EPS8L2: variants seen among roughly 807,000 people sequenced by gnomAD.
EPS8L2 encodes the protein EPS8 signaling adaptor L2.
A neutral mutation model predicts 99.4 loss-of-function variants in EPS8L2; 81 were observed. That is an observed-to-expected ratio of 0.82 (90% CI 0.68 to 0.98). The LOEUF (loss-of-function observed/expected upper bound fraction) is 0.98. Ranked by LOEUF, EPS8L2 falls within the 50% of genes least tolerant of loss-of-function variation. EPS8L2 has a pLI of 0.00. For synonymous variants in EPS8L2, 509 were observed against 407.3 expected, an observed-to-expected ratio of 1.25 and a Z score of -3.01; for missense variants, 1,155 against 968.8, an observed-to-expected ratio of 1.19 and a Z score of -2.55.
chr11:710,394 G>A (rs754310926), intron 3 of EPS8L2, 28 bp from the exon 4 acceptor site: 1 of 1,611,688 alleles, frequency 6.2e-7, no homozygotes, highest in African/African-American at 1.3e-5. Flanking sequence ...CTGCCCGTCG[G>A]GGGAGTGACT....
intron 4 of EPS8L2, among the ~76,000 whole-genome samples, chr11:718,755 G>A (rs1395098004): frequency 2.3e-4 from 34 of 150,312 alleles, no homozygotes; most frequent in African/African-American, 4.2e-4. Context: ...TGCAAGCTCC[G>A]CCTCCTGGGT....
At position 721,995 on chromosome 11, in the gene EPS8L2, G is replaced by A. The variant is rs986787445; in HGVS notation, c.984+4G>A. The A allele has an allele frequency of 5.0e-6, 8 of 1,605,964 alleles. No homozygotes were observed. The African/African-American group carries it at 5.4e-5, about 11-fold the overall frequency. The stretch of plus-strand genomic sequence containing the variant: ...CAAGCTGGCGATTAACTTGCTGGTG[G>A]GTCCGGTGGCCCCAGCCCTGCCCCA... On this transcript the variant is annotated splice_donor_region_variant and intron_variant, in intron 11 of 20. Coordinates refer to ENST00000318562, the MANE Select transcript of EPS8L2 (RefSeq NM_022772.4).
Position 724,724 on chromosome 11 carries a change from G to C in EPS8L2, c.1455G>C (p.Arg485Ser). Residue 485 changes from arginine (R) to serine (S), a missense_variant and splice_region_variant, in exon 16 of 21, where the codon AGG (arginine) becomes AGC (serine). By Grantham distance (110) the Arg-to-Ser change is moderately radical (BLOSUM62 -1). Coordinates refer to ENST00000318562, the MANE Select transcript of EPS8L2 (RefSeq NM_022772.4). This position sits in a 1 kb window ranked among gnomAD's most constrained non-coding sequence, Gnocchi z 5.5. ...CCTCAGCCCCTCCTGTTCCTCACAG[G>C]GGCTACCAGCCAACACCAGCCATGG... is the stretch of plus-strand genomic sequence containing the variant. ...LPPVSSPHTHRGYQPTPAMAK... is the reference protein window; with the variant it reads ...LPPVSSPHTHSGYQPTPAMAK... 1.2e-6 allele frequency: 2 copies of C among 1,612,126 alleles called. No individual in the cohort carries two copies. The highest frequency in any genetic ancestry group is 1.1e-5 in the South Asian group (1 of 91,066).
Position 709,537 on chromosome 11 carries a change from A to G in EPS8L2, c.45-16A>G. On this transcript the variant is annotated splice_polypyrimidine_tract_variant and intron_variant, in intron 2 of 20. Transcript: ENST00000318562. Reference sequence around the variant, plus strand: ...GGGTGCAGTTTGGCCCTGCCCTGACAGCCCCTCCCCTGCAGTGGCAGCCTG... The same window carrying G: ...GGGTGCAGTTTGGCCCTGCCCTGACGGCCCCTCCCCTGCAGTGGCAGCCTG... 6.2e-7 allele frequency: 1 copy of G among 1,611,142 alleles called. No homozygotes were observed. The highest frequency in any genetic ancestry group is 8.5e-7 in the Non-Finnish European group (1 of 1,179,052).
intron 15 of EPS8L2, 109 bp downstream of exon 15, chr11:723,462 A>C: frequency 2.1e-6 from 1 of 483,590 alleles, no homozygotes; most frequent in Non-Finnish European, 3.7e-6. Context: ...TGCATTGTTC[A>C]AGTGGTTTAA....
chr11:720,418 G>A (rs968516251), intron 5 of EPS8L2, 179 bp from the exon 6 acceptor site: 25 of 1,155,122 alleles, frequency 2.2e-5, no homozygotes, highest in Non-Finnish European at 2.8e-5. Context: ...TTTGGAAGCC[G>A]GGGTCAGCCT....
chr11:709,357 G>A lies in EPS8L2; in HGVS notation c.-51G>A, dbSNP rs374267532. The A allele has an allele frequency of 3.6e-4, 553 of 1,548,878 alleles. 1 individual carries two copies. Among genetic ancestry groups the A allele is most frequent in the Admixed American group, 8.8e-4 (45 of 51,304 alleles). On this transcript the variant is annotated 5_prime_UTR_variant, in exon 2 of 21. Coordinates refer to ENST00000318562, the MANE Select transcript of EPS8L2 (RefSeq NM_022772.4). ...GTGGGACAGGCACTGGCCTCAGACC[G>A]GGGCCACACTGAGGTCTGCCCTTCT...
Position 721,606 on chromosome 11 carries a change from G to T in EPS8L2, c.810G>T (p.Val270=). The change falls in exon 10 of 21, where the codon GTG becomes GTT. Residue 270 remains valine, a synonymous_variant. Transcript: ENST00000318562. ...NCALDDIEWF[V]ARLQKAAEAF... The stretch of plus-strand genomic sequence containing the variant: ...CCCTGGACGACATCGAGTGGTTTGT[G>T]GCCCGGCTGCAGAAGGCAGCCGAGG... 6.4e-7 allele frequency: 1 copy of T among 1,573,548 alleles called. No homozygotes were observed. The highest frequency in any genetic ancestry group is 8.6e-7 in the Non-Finnish European group (1 of 1,164,450).
At chr11:721,523 G>A (rs762066709) in intron 9 of EPS8L2, 42 bp from the exon 10 acceptor site, 2 of 1,524,114 alleles carry the variant, frequency 1.3e-6, no homozygotes, top group Admixed American at 2.2e-5. Context: ...GCGGGGCGGT[G>A]GGGAGTGTCA....
intron 4 of EPS8L2, among the ~76,000 whole-genome samples, chr11:713,246 A>G (rs1431297250): frequency 6.6e-6 from 1 of 152,230 alleles, no homozygotes; most frequent in African/African-American, 2.4e-5. Flanking sequence ...AGTAAAAGCC[A>G]TGTGTACGTG....
chr11:711,188 G>C (rs933806030), intron 4 of EPS8L2, among the ~76,000 whole-genome samples: 2 of 152,066 alleles, frequency 1.3e-5, no homozygotes, highest in Admixed American at 6.5e-5. Flanking sequence ...TGTTCTCCTA[G>C]GTCAGTTTCA....
At chr11:720,987 G>GA (rs1862153858) in intron 7 of EPS8L2, 77 bp from the exon 8 acceptor site, 7 of 1,464,020 alleles carry the variant, frequency 4.8e-6, no homozygotes, top group Non-Finnish European at 6.4e-6. Context: ...AGCCGGCAGG[G>GA]GAGGGGAGGA....
chr11:725,911 TAGCCCCGCCCCAAGGCC>T (rs1862303833), intron 17 of EPS8L2, 64 bp downstream of exon 17: 21 of 1,376,116 alleles, frequency 1.5e-5, no homozygotes, highest in Non-Finnish European at 2.0e-5. Flanking sequence ...CGCCTGCGCC[TAGCCCCGCCCCAAGGCC>T]AGCCCCGCGG....
chr11:721,451 G>T, intron 9 of EPS8L2, 99 bp downstream of exon 9: 3 of 1,489,114 alleles, frequency 2.0e-6, no homozygotes, highest in Non-Finnish European at 1.8e-6. Flanking sequence ...GCCTGTGGCT[G>T]CCCCTCCGAA....
At chr11:709,101 G>T in intron 1 of EPS8L2, 2 of 526,972 alleles carry the variant, frequency 3.8e-6, no homozygotes, top group Non-Finnish European at 6.8e-6. Context: ...GTCAGCCTCT[G>T]GGGGGTCCCT....
intron 4 of EPS8L2, among the ~76,000 whole-genome samples, chr11:715,003 G>A (rs1346998457): frequency 3.9e-5 from 6 of 152,162 alleles, no homozygotes; most frequent in African/African-American, 1.2e-4. Context: ...AGCACTTTGG[G>A]AGGCTGAGGT....
intron 15 of EPS8L2, among the ~76,000 whole-genome samples, chr11:723,680 T>C (rs1862249407): frequency 6.6e-6 from 1 of 152,162 alleles, no homozygotes; most frequent in Non-Finnish European, 1.5e-5. Context: ...GTTGGGGCTG[T>C]TGGGACTGAT....
intron 14 of EPS8L2, 69 bp from the exon 15 acceptor site, chr11:723,172 C>A: frequency 1.3e-6 from 1 of 768,232 alleles, no homozygotes; most frequent in Non-Finnish European, 2.2e-6. Context: ...CAGCCCCTGT[C>A]ATATGCCCCC....
intron 5 of EPS8L2, 41 bp from the exon 6 acceptor site, chr11:720,556 A>G: frequency 6.3e-7 from 1 of 1,576,070 alleles, no homozygotes; most frequent in Non-Finnish European, 8.6e-7. Context: ...CAGAGTGCCC[A>G]GACCCCGGGT....
Sources: allele counts gnomAD v4.1 joint callset (sites outside exome capture counted in the v4.1 genomes callset), GRCh38; gene constraint gnomAD v4.1.1; non-coding constraint Gnocchi (gnomAD v3.1); transcripts MANE v1.5; gene names NCBI Gene and HGNC (gene_info 2026-07-23, HGNC 2026-07-21).